UBAC2: variants seen among roughly 807,000 people sequenced by gnomAD.
The protein encoded by UBAC2 is ubiquitin-associated domain-containing protein 2.
In UBAC2, 26 loss-of-function variants were observed where a neutral mutation model predicts 44.0. The ratio of observed to expected loss-of-function variants is 0.59; its 90% CI spans 0.43 to 0.82. The LOEUF (loss-of-function observed/expected upper bound fraction) is 0.82. UBAC2 is among the 40% of genes least tolerant of loss of function. The pLI is 0.00. For synonymous variants in UBAC2, 155 were observed against 154.3 expected (o/e 1.00, Z -0.04); for missense variants, 329 against 419.4 (o/e 0.78, Z 1.88).
At chr13:99,294,652 G>A (rs1237495858) in intron 4 of UBAC2, 1 of 154,570 alleles carries the variant, frequency 6.5e-6, no homozygotes, top group African/African-American at 2.4e-5. Flanking sequence ...AACATTGAGA[G>A]AAATTTGGAT....
chr13:99,385,077 TTTAAGTA>T, intron 8 of UBAC2, 144 bp from the exon 9 acceptor site: 1 of 623,176 alleles, frequency 1.6e-6, no homozygotes, highest in Non-Finnish European at 2.9e-6. Context: ...TGGTATAACT[TTTAAGTA>T]TCAGATTCCA....
intron 8 of UBAC2, among the ~76,000 whole-genome samples, chr13:99,371,764 T>C (rs540724940): frequency 6.6e-6 from 1 of 152,354 alleles, no homozygotes; most frequent in South Asian, 2.1e-4. Context: ...TTTTTTCTGC[T>C]GTAAACAGAT....
chr13:99,364,058 ACT>A (rs1566523439), intron 7 of UBAC2, among the ~76,000 whole-genome samples: 3 of 151,762 alleles, frequency 2.0e-5, no homozygotes. Flanking sequence ...ATTTGTAAAC[ACT>A]CTTGGATTTT....
chr13:99,215,754 G>C (rs2042986235), intron 1 of UBAC2: 1 of 1,314,152 alleles, frequency 7.6e-7, no homozygotes. Context: ...CTTACCGTCA[G>C]CCATTTCGAG....
chr13:99,353,775 C>A (rs1365280797), intron 7 of UBAC2, among the ~76,000 whole-genome samples: 3 of 152,152 alleles, frequency 2.0e-5, no homozygotes, highest in Non-Finnish European at 4.4e-5. Context: ...GAAAAAAGCT[C>A]TTAATGAGGA....
chr13:99,347,319 G>GCCCCCC (rs3031439), intron 7 of UBAC2, among the ~76,000 whole-genome samples: 1 of 20,550 alleles, frequency 4.9e-5, no homozygotes. Context: ...ATCCCCGGGC[G>GCCCCCC]CCCCCCCCCC....
intron 4 of UBAC2, among the ~76,000 whole-genome samples, chr13:99,285,261 C>T (rs1366358870): frequency 6.6e-6 from 1 of 152,064 alleles, no homozygotes; most frequent in Admixed American, 6.6e-5. Context: ...GCTGCTGCTG[C>T]TGCTGCTGCT....
chr13:99,351,156 T>G (rs748375915), intron 7 of UBAC2, among the ~76,000 whole-genome samples: 1 of 152,168 alleles, frequency 6.6e-6, no homozygotes, highest in African/African-American at 2.4e-5. Flanking sequence ...TAAAAAAAAT[T>G]ATACAAAATT....
At chr13:99,335,965 G>T (rs1040230537) in intron 6 of UBAC2, among the ~76,000 whole-genome samples, 3 of 151,028 alleles carry the variant, frequency 2.0e-5, no homozygotes, top group Non-Finnish European at 2.9e-5. Flanking sequence ...GACCTGCCTG[G>T]CAACATGGCA....
intron 7 of UBAC2, among the ~76,000 whole-genome samples, chr13:99,341,317 GC>G (rs1028802861): frequency 5.9e-5 from 9 of 151,870 alleles, no homozygotes; most frequent in Non-Finnish European, 2.9e-5. Context: ...AGCATTGGAT[GC>G]AAGAAGTAGG....
chr13:99,379,925 C>T (rs904121460), intron 8 of UBAC2, among the ~76,000 whole-genome samples: 1 of 152,218 alleles, frequency 6.6e-6, no homozygotes, highest in Non-Finnish European at 1.5e-5. Context: ...AGCAAAAAAG[C>T]ACAGTGAGTG....
intron 8 of UBAC2, among the ~76,000 whole-genome samples, chr13:99,384,079 TAGTCCCCATTCACACCCACTG>T (rs1199167773): frequency 2.0e-4 from 30 of 152,206 alleles, no homozygotes; most frequent in Non-Finnish European, 3.8e-4. Flanking sequence ...CCCCATGCCA[TAGTCCCCATTCACACCCACTG>T]AGTCCCCTGA....
chr13:99,317,016 G>A (rs563554695), intron 5 of UBAC2, among the ~76,000 whole-genome samples: 7 of 152,252 alleles, frequency 4.6e-5, no homozygotes, highest in Admixed American at 2.6e-4. Context: ...CTGAACAAAC[G>A]TCCGTGCTAC....
intron 8 of UBAC2, among the ~76,000 whole-genome samples, chr13:99,379,036 A>G (rs887642737): frequency 6.6e-6 from 1 of 152,256 alleles, no homozygotes; most frequent in African/African-American, 2.4e-5. Flanking sequence ...GCTTCCCTGC[A>G]GTGAGCACAA....
chr13:99,285,279 C>T (rs1555326690), intron 4 of UBAC2, among the ~76,000 whole-genome samples: 1 of 151,994 alleles, frequency 6.6e-6, no homozygotes, highest in South Asian at 2.1e-4. Context: ...GCTCCTCCTG[C>T]TCCTCCTCTT....
intron 8 of UBAC2, among the ~76,000 whole-genome samples, chr13:99,379,430 C>T (rs1012787729): frequency 1.2e-4 from 18 of 152,358 alleles, no homozygotes; most frequent in African/African-American, 4.1e-4. Flanking sequence ...TTTGTCACCA[C>T]ATTAAAAAAT....
chr13:99,362,925 A>G (rs2045284751), intron 7 of UBAC2, among the ~76,000 whole-genome samples: 1 of 152,190 alleles, frequency 6.6e-6, no homozygotes. Context: ...TTTCATTGTG[A>G]TTTATACTTC....
intron 6 of UBAC2, among the ~76,000 whole-genome samples, chr13:99,327,866 A>G (rs1251555003): frequency 6.6e-6 from 1 of 152,164 alleles, no homozygotes; most frequent in Non-Finnish European, 1.5e-5. Flanking sequence ...GATGTTATTT[A>G]CATACAATAG....
chr13:99,230,575 T>A lies in UBAC2; in HGVS notation c.32-7852T>A, dbSNP rs146568632. ...GATAAAATCAAGGTGTCAGCAGGGC[T>A]GCATTTCTTTTGGAAGCTCTGAGAA... On this transcript the variant is annotated intron_variant, in intron 1 of 8. Coordinates refer to ENST00000403766, the MANE Select transcript of UBAC2 (RefSeq NM_001144072.2). Among the ~76,000 whole-genome samples, 573 of 152,350 alleles carry A rather than the reference T, an allele frequency of 3.8e-3. 6 individuals are homozygous for A. Among genetic ancestry groups the A allele is most frequent in the South Asian group, 0.011 (51 of 4,826 alleles).
Sources: gnomAD v4.1 joint callset for allele counts (sites outside exome capture counted in the v4.1 genomes callset) on GRCh38, gnomAD v4.1.1 for gene constraint, MANE v1.5 for transcripts, NCBI Gene and HGNC (gene_info 2026-07-23, HGNC 2026-07-21) for gene names.